The following PPP2R3C variants were observed in gnomAD, a reference collection of about 807,000 sequenced individuals.
PPP2R3C encodes the protein protein phosphatase 2 regulatory subunit B''gamma.
In PPP2R3C, 47 loss-of-function variants were observed where a neutral mutation model predicts 63.7. That is an observed-to-expected ratio of 0.74 (90% CI 0.58 to 0.94). The LOEUF is 0.94. Among genes scored for constraint, PPP2R3C ranks in the 40% least tolerant of loss-of-function variants. The pLI, the probability that PPP2R3C is intolerant of heterozygous loss-of-function variation, is 0.00. For synonymous variants in PPP2R3C, 180 were observed against 177.4 expected (o/e 1.01, Z -0.12); for missense variants, 421 against 518.4 (o/e 0.81, Z 1.82).
intron 1 of PPP2R3C, 107 bp from the exon 2 acceptor site, chr14:35,116,844 CA>C: frequency 2.2e-6 from 2 of 904,382 alleles, no homozygotes; most frequent in South Asian, 2.2e-5. Context: ...GTTGCAGTGC[CA>C]AAAAGGCCTT....
Position 35,087,988 on chromosome 14 carries a change from AT to A in PPP2R3C, c.1135del (p.Ile379SerfsTer20). ...FFRAIQELMK[I>X]HGQDPVSFQD... The stretch of plus-strand genomic sequence containing the variant: ...AAATGAAACAGGATCTTGTCCATGG[AT>A]TTTCATTAGTTCCTGTATGGCCTGT... On this transcript the variant is annotated frameshift_variant, in exon 12 of 13. Coordinates refer to ENST00000261475, the MANE Select transcript of PPP2R3C (RefSeq NM_017917.4). LOFTEE classifies it high-confidence loss of function. 1 of 1,600,342 alleles carries A rather than the reference AT, an allele frequency of 6.2e-7. No individual in the cohort carries two copies. The highest frequency in any genetic ancestry group is 8.6e-7 in the Non-Finnish European group (1 of 1,167,604).
intron 11 of PPP2R3C, among the ~76,000 whole-genome samples, chr14:35,089,554 G>A (rs1215775445): frequency 2.6e-5 from 4 of 151,676 alleles, no homozygotes; most frequent in African/African-American, 9.7e-5. Context: ...GGGTTTCCCT[G>A]TGTTGCCCAG....
chr14:35,092,039 G>A (rs1479127175), intron 10 of PPP2R3C, among the ~76,000 whole-genome samples: 1 of 151,672 alleles, frequency 6.6e-6, no homozygotes, highest in African/African-American at 2.4e-5. Flanking sequence ...TTTTTTATGA[G>A]AGATTTGCTG....
Position 35,085,654 on chromosome 14 carries a change from T to A in PPP2R3C, c.1298A>T (p.Tyr433Phe). 1 of 1,613,614 alleles carries A rather than the reference T, an allele frequency of 6.2e-7. No homozygotes were observed. The highest frequency in any genetic ancestry group is 8.5e-7 in the Non-Finnish European group (1 of 1,179,798). The change falls in exon 13 of 13, where the codon TAC becomes TTC. Residue 433 changes from tyrosine (Y) to phenylalanine (F), a missense_variant. By Grantham distance (22) the Tyr-to-Phe change is conservative. Coordinates refer to ENST00000261475, the MANE Select transcript of PPP2R3C (RefSeq NM_017917.4). ...TGCAACAAGAGCCTCTCTGTTCTCGTAAGTCCAGAAGCCATTCAAATCGAT... is the reference window on the plus strand; with the variant it reads ...TGCAACAAGAGCCTCTCTGTTCTCGAAAGTCCAGAAGCCATTCAAATCGAT... ...ILIDLNGFWT[Y>F]ENREALVAND...
intron 1 of PPP2R3C, 73 bp downstream of exon 1, chr14:35,121,829 C>A: frequency 1.3e-6 from 2 of 1,542,280 alleles, no homozygotes; most frequent in Non-Finnish European, 8.9e-7. Flanking sequence ...CTTGCTCCTC[C>A]TCCCCACCTC....
intron 10 of PPP2R3C, among the ~76,000 whole-genome samples, chr14:35,093,342 C>T (rs1028614723): frequency 2.0e-5 from 3 of 152,054 alleles, no homozygotes; most frequent in Non-Finnish European, 2.9e-5. Flanking sequence ...AAGTTCCTTT[C>T]TGCATAAATA....
intron 5 of PPP2R3C, 138 bp from the exon 6 acceptor site, chr14:35,107,512 AC>A: frequency 1.5e-6 from 1 of 667,502 alleles, no homozygotes; most frequent in South Asian, 1.9e-5. Flanking sequence ...ATTGCTTGAA[AC>A]AAAAAACCAT....
At chr14:35,108,895 G>T (rs1595115493) in intron 4 of PPP2R3C, among the ~76,000 whole-genome samples, 1 of 151,600 alleles carries the variant, frequency 6.6e-6, no homozygotes, top group Admixed American at 6.6e-5. Context: ...CAAACGTGAG[G>T]CACCATGCCT....
chr14:35,115,508 G>C (rs1309106484), intron 2 of PPP2R3C, among the ~76,000 whole-genome samples: 1 of 152,072 alleles, frequency 6.6e-6, no homozygotes. Flanking sequence ...ACCCAGGCTG[G>C]AGTGCAGTGA....
At chr14:35,108,387 C>T in intron 4 of PPP2R3C, 151 bp from the exon 5 acceptor site, 1 of 1,013,866 alleles carries the variant, frequency 9.9e-7, no homozygotes, top group Non-Finnish European at 1.3e-6. Flanking sequence ...AATATTAAGT[C>T]AAACTTTTTT....
At chr14:35,111,018 CATGAAGTCAA>C (rs1389110427) in intron 2 of PPP2R3C, among the ~76,000 whole-genome samples, 243 of 152,140 alleles carry the variant, frequency 1.6e-3, no homozygotes, top group Middle Eastern at 3.4e-3. Context: ...GCAGGCGGAT[CATGAAGTCAA>C]GAGATCGACC....
chr14:35,095,747 G>A (rs890764627), intron 9 of PPP2R3C, among the ~76,000 whole-genome samples: 4 of 151,092 alleles, frequency 2.6e-5, no homozygotes, highest in Non-Finnish European at 4.4e-5. Flanking sequence ...GTACTTGGGA[G>A]GCTGAGGCAA....
rs1450218433 is a variant in PPP2R3C, at chr14:35,121,952, C to T, written c.8G>A (p.Trp3Ter). The change falls in exon 1 of 13, where the codon TGG becomes TAG. Residue 3 changes from tryptophan (W) to a stop codon, truncating the protein, a stop_gained. Transcript: ENST00000261475. LOFTEE classifies it high-confidence loss of function. The part of the protein sequence containing the change: MD[W>*]KEVLRRRLAT... ...TAGGCGCCGACGAAGAACTTCTTTCCAGTCCATGGCCGACTTCCGCGCAGC... is the reference window on the plus strand; with the variant it reads ...TAGGCGCCGACGAAGAACTTCTTTCTAGTCCATGGCCGACTTCCGCGCAGC... The T allele has an allele frequency of 1.2e-6, 2 of 1,614,070 alleles. No homozygotes were observed. The highest frequency in any genetic ancestry group is 2.7e-5 in the African/African-American group (2 of 74,926).
intron 1 of PPP2R3C, 80 bp downstream of exon 1, chr14:35,121,822 G>A (rs1416049390): frequency 6.7e-7 from 1 of 1,488,632 alleles, no homozygotes; most frequent in East Asian, 2.3e-5. Flanking sequence ...GCTCCCCCTT[G>A]CTCCTCCTCC....
chr14:35,118,210 T>C (rs1272398537), intron 1 of PPP2R3C, among the ~76,000 whole-genome samples: 1 of 152,056 alleles, frequency 6.6e-6, no homozygotes, highest in Non-Finnish European at 1.5e-5. Context: ...AATATTGCTA[T>C]AAGGGGAACA....
chr14:35,112,728 C>G (rs1472751857), intron 2 of PPP2R3C: 2 of 152,188 alleles, frequency 1.3e-5, no homozygotes, highest in Non-Finnish European at 2.9e-5. Context: ...TCAACACAGA[C>G]TTTAAGTCTA....
chr14:35,094,737 T>G (rs1179667256), intron 10 of PPP2R3C, among the ~76,000 whole-genome samples: 1 of 152,078 alleles, frequency 6.6e-6, no homozygotes, highest in Non-Finnish European at 1.5e-5. Context: ...GCAGATCACC[T>G]GAGGTCAGGA....
At chr14:35,085,868 TGAAGTACAGAG>T in intron 12 of PPP2R3C, 90 bp from the exon 13 acceptor site, 1 of 1,044,066 alleles carries the variant, frequency 9.6e-7, no homozygotes, top group East Asian at 2.6e-5. Context: ...TTGCATCCAC[TGAAGTACAGAG>T]GAATAAAATT....
intron 1 of PPP2R3C, among the ~76,000 whole-genome samples, chr14:35,120,662 GT>G (rs1184169173): frequency 6.6e-6 from 1 of 152,146 alleles, no homozygotes; most frequent in Non-Finnish European, 1.5e-5. Context: ...GTAAAAGAGT[GT>G]TGCCTGGGTG....
Sources: gnomAD v4.1 joint callset for allele counts (sites outside exome capture counted in the v4.1 genomes callset) on GRCh38, gnomAD v4.1.1 for gene constraint, MANE v1.5 for transcripts, NCBI Gene and HGNC (gene_info 2026-07-23, HGNC 2026-07-21) for gene names.